PTPRD: variants seen among roughly 807,000 people sequenced by gnomAD.
The protein encoded by PTPRD is receptor-type tyrosine-protein phosphatase delta.
A neutral mutation model predicts 214.5 loss-of-function variants in PTPRD; 34 were observed. The ratio of observed to expected loss-of-function variants is 0.16; its 90% CI spans 0.12 to 0.21. The LOEUF is 0.21. Among genes scored for constraint, PTPRD ranks in the 10% least tolerant of loss-of-function variants. The pLI is 1.00. For missense variants in PTPRD, 2,545 were observed against 2,398.7 expected (o/e 1.06, Z -1.27); for synonymous variants, 1,128 against 845.7 (o/e 1.33, Z -5.79).
chr9:9,971,477 G>C (rs1255912545), intron 4 of PTPRD, among the ~76,000 whole-genome samples: 3 of 152,058 alleles, frequency 2.0e-5, no homozygotes, highest in Non-Finnish European at 4.4e-5. Flanking sequence ...TTTGTATTTT[G>C]AATTTTCCAG....
At chr9:10,299,001 CT>C (rs1288770525) in intron 3 of PTPRD, among the ~76,000 whole-genome samples, 7 of 152,102 alleles carry the variant, frequency 4.6e-5, no homozygotes, top group African/African-American at 1.7e-4. Context: ...AGCTACCTCA[CT>C]GTCACTACAT....
chr9:8,321,992 A>G (rs985337642), intron 44 of PTPRD, among the ~76,000 whole-genome samples: 1 of 151,756 alleles, frequency 6.6e-6, no homozygotes, highest in South Asian at 2.1e-4. Context: ...AAATTTTTTC[A>G]TACTATTACA....
intron 5 of PTPRD, among the ~76,000 whole-genome samples, chr9:9,812,012 A>G (rs1410093710): frequency 6.6e-6 from 1 of 152,178 alleles, no homozygotes; most frequent in Admixed American, 6.5e-5. Flanking sequence ...TACCACCCTG[A>G]TCAGTTAGCA....
chr9:9,256,685 A>G (rs1364918072), intron 9 of PTPRD, among the ~76,000 whole-genome samples: 1 of 151,980 alleles, frequency 6.6e-6, no homozygotes, highest in Non-Finnish European at 1.5e-5. Flanking sequence ...TTCTATTATA[A>G]GAGATAAATA....
At chr9:9,563,070 T>C (rs768553408) in intron 8 of PTPRD, among the ~76,000 whole-genome samples, 35 of 152,188 alleles carry the variant, frequency 2.3e-4, no homozygotes, top group African/African-American at 3.1e-4. Flanking sequence ...TTTTAGCTAA[T>C]TGTATGGTTA....
At position 9,077,603 on chromosome 9, in the gene PTPRD, C is replaced by T. The variant is rs73641209; in HGVS notation, c.-142-58868G>A. Among the ~76,000 whole-genome samples, 1,454 of 152,082 alleles carry T rather than the reference C, an allele frequency of 9.6e-3. 21 individuals carry two copies. The highest frequency in any genetic ancestry group is 0.033 in the African/African-American group (1,367 of 41,476). On this transcript the variant is annotated intron_variant, in intron 10 of 45. Coordinates refer to ENST00000381196, the MANE Select transcript of PTPRD (RefSeq NM_002839.4). ...AGAGCCAGTTTTCTAAAACTAATAG[C>T]GGAGAGTGTCATGCAAAGATTTGTG...
At chr9:9,953,493 GACACACACACACACAC>G (rs59836734) in intron 4 of PTPRD, among the ~76,000 whole-genome samples, 1 of 145,226 alleles carries the variant, frequency 6.9e-6, no homozygotes, top group African/African-American at 2.5e-5. Context: ...GGGAATTGTG[GACACACACACACACAC>G]ACACACACAC....
intron 9 of PTPRD, among the ~76,000 whole-genome samples, chr9:9,266,862 C>A (rs113413306): frequency 0.017 from 2,539 of 150,650 alleles, 68 homozygotes; most frequent in African/African-American, 0.059. Context: ...AAAAAAAAAT[C>A]TTTAATAAGC....
chr9:10,173,444 C>A (rs1360664394), intron 3 of PTPRD, among the ~76,000 whole-genome samples: 1 of 152,098 alleles, frequency 6.6e-6, no homozygotes, highest in African/African-American at 2.4e-5. Flanking sequence ...AGAATTCCCC[C>A]ATAGATTATC....
At chr9:10,499,398 A>G (rs1207005264) in intron 2 of PTPRD, among the ~76,000 whole-genome samples, 2 of 151,886 alleles carry the variant, frequency 1.3e-5, no homozygotes, top group Admixed American at 6.6e-5. Flanking sequence ...CATATATTCA[A>G]CCTGCCACCA....
intron 3 of PTPRD, among the ~76,000 whole-genome samples, chr9:10,135,453 G>A (rs920206306): frequency 2.6e-5 from 4 of 151,862 alleles, no homozygotes; most frequent in African/African-American, 9.7e-5. Flanking sequence ...CAATGTGATA[G>A]AAAAAAATAT....
intron 7 of PTPRD, among the ~76,000 whole-genome samples, chr9:9,599,206 A>G (rs1396345716): frequency 2.6e-5 from 4 of 152,088 alleles, no homozygotes; most frequent in Non-Finnish European, 5.9e-5. Flanking sequence ...GCACAATGCT[A>G]AAGTAATACC....
chr9:8,851,531 A>G (rs1428843195), intron 11 of PTPRD, among the ~76,000 whole-genome samples: 4 of 152,338 alleles, frequency 2.6e-5, no homozygotes, highest in Middle Eastern at 3.4e-3. Flanking sequence ...TACACAAAAC[A>G]TCCGTATCCA....
At chr9:10,547,401 G>C (rs1336497949) in intron 2 of PTPRD, among the ~76,000 whole-genome samples, 3 of 151,650 alleles carry the variant, frequency 2.0e-5, no homozygotes, top group African/African-American at 7.3e-5. Context: ...ACCTCCAGTA[G>C]ATACACAAAG....
intron 6 of PTPRD, among the ~76,000 whole-genome samples, chr9:9,739,586 T>G (rs2098365223): frequency 6.6e-6 from 1 of 152,096 alleles, no homozygotes; most frequent in Non-Finnish European, 1.5e-5. Context: ...TCTATTTTTT[T>G]TACTTGGCAA....
intron 11 of PTPRD, among the ~76,000 whole-genome samples, chr9:8,845,931 T>C (rs1301700962): frequency 3.9e-5 from 6 of 152,220 alleles, no homozygotes. Flanking sequence ...GTTGTACATT[T>C]GGCAGCCTGG....
At chr9:9,300,754 T>C (rs773029603) in intron 9 of PTPRD, among the ~76,000 whole-genome samples, 21 of 151,860 alleles carry the variant, frequency 1.4e-4, no homozygotes, top group Non-Finnish European at 2.8e-4. Context: ...TTTCAATTTT[T>C]AGAACTGTGA....
At chr9:8,886,404 G>C (rs984336933) in intron 11 of PTPRD, among the ~76,000 whole-genome samples, 24 of 152,102 alleles carry the variant, frequency 1.6e-4, no homozygotes, top group Non-Finnish European at 1.5e-4. Flanking sequence ...ATATTTTATA[G>C]CATATGGTTA....
chr9:8,546,991 A>T (rs1437619822), intron 14 of PTPRD, among the ~76,000 whole-genome samples: 1 of 152,206 alleles, frequency 6.6e-6, no homozygotes, highest in Non-Finnish European at 1.5e-5. Flanking sequence ...TCCTAACATT[A>T]ACCTGTCTTA....
Sources: allele counts gnomAD v4.1 joint callset (sites outside exome capture counted in the v4.1 genomes callset), GRCh38; gene constraint gnomAD v4.1.1; transcripts MANE v1.5; gene names NCBI Gene and HGNC (gene_info 2026-07-23, HGNC 2026-07-21).